MAP4: variants seen among roughly 807,000 people sequenced by gnomAD.
MAP4 encodes microtubule associated protein 4.
Under a neutral mutation model 170.2 loss-of-function variants are expected in MAP4, and 76 were observed. The ratio of observed to expected loss-of-function variants is 0.45; its 90% CI spans 0.37 to 0.54. The LOEUF (loss-of-function observed/expected upper bound fraction) is 0.54. Ranked by LOEUF, MAP4 falls within the 20% of genes least tolerant of loss-of-function variation. The pLI, the probability that MAP4 is intolerant of heterozygous loss-of-function variation, is 0.00. For synonymous variants in MAP4, 909 were observed against 994.5 expected, an observed-to-expected ratio of 0.91 and a Z score of 1.62; for missense variants, 2,506 against 2,748.0, an observed-to-expected ratio of 0.91 and a Z score of 1.97.
chr3:47,875,392 G>A (rs2094993283), intron 12 of MAP4, among the ~76,000 whole-genome samples: 1 of 152,196 alleles, frequency 6.6e-6, no homozygotes, highest in Admixed American at 6.5e-5. Flanking sequence ...ACAGGGAAGG[G>A]AAAGGTAAGA....
rs2091824720 is a variant in MAP4 at position 47,871,041 on chromosome 3, C to A, written c.6066G>T (p.Gly2022=). The change falls in exon 15 of 21, where the codon GGG becomes GGT. Residue 2022 remains glycine, a synonymous_variant. Transcript: ENST00000683076. The part of the protein sequence containing the change: ...SSMKKTTTLS[G]TAPAAGVVPS... ...GAACCACCCCTGCAGCGGGGGCTGT[C>A]CCACTGAGAGTGGTGGTTTTCTTCA... 1 of 1,613,370 alleles carries A rather than the reference C, an allele frequency of 6.2e-7. No homozygotes were observed. The highest frequency in any genetic ancestry group is 8.5e-7 in the Non-Finnish European group (1 of 1,179,588).
At chr3:48,020,780 T>TTTG (rs779002892), upstream of MAP4, among the ~76,000 whole-genome samples, 3 of 152,104 alleles carry the variant, frequency 2.0e-5, no homozygotes, top group African/African-American at 7.2e-5. Flanking sequence ...ATGAGTATTA[T>TTTG]TTGTTGTTGT....
intron 1 of MAP4, among the ~76,000 whole-genome samples, chr3:48,055,394 C>G (rs1159745290): frequency 2.6e-5 from 4 of 152,036 alleles, no homozygotes; most frequent in Admixed American, 6.5e-5. Context: ...TTGGTGGAGA[C>G]GGGGTTTCGC....
At position 47,877,536 on chromosome 3, in the gene MAP4, G is replaced by A. The variant is rs762136991; in HGVS notation, c.5435-13C>T. ...GGCCTGGCTATTCCTAAGGGGAGAG[G>A]GTGAGTGGGAATTATGCTAAGCAAA... On this transcript the variant is annotated splice_polypyrimidine_tract_variant and intron_variant, in intron 10 of 20. Coordinates refer to ENST00000683076, the MANE Select transcript of MAP4 (RefSeq NM_001385682.1). The A allele has an allele frequency of 1.3e-6, 2 of 1,573,814 alleles. No individual in the cohort carries two copies. The highest frequency in any genetic ancestry group is 1.1e-5 in the South Asian group (1 of 89,318).
At chr3:48,033,883 G>A (rs1461320418) in intron 1 of MAP4, among the ~76,000 whole-genome samples, 1 of 152,130 alleles carries the variant, frequency 6.6e-6, no homozygotes, top group Non-Finnish European at 1.5e-5. Flanking sequence ...GATTACAGGT[G>A]TAAGCCACCG....
At chr3:47,962,643 T>C (rs1475168850) in intron 3 of MAP4, among the ~76,000 whole-genome samples, 1 of 152,090 alleles carries the variant, frequency 6.6e-6, no homozygotes, top group Non-Finnish European at 1.5e-5. Context: ...ATATTGGCCA[T>C]TAAAAACAGC....
At chr3:47,870,228 C>T (rs1327416575) in intron 15 of MAP4, among the ~76,000 whole-genome samples, 1 of 152,162 alleles carries the variant, frequency 6.6e-6, no homozygotes, top group African/African-American at 2.4e-5. Context: ...ACCAGAAAAT[C>T]TTAACCACCG....
rs180712028 is a variant in MAP4 at position 48,022,263 on chromosome 3, G to C, written c.-19-23384C>G. Among the ~76,000 whole-genome samples the C allele has an allele frequency of 4.5e-4, 69 of 152,058 alleles. No individual in the cohort carries two copies. In the East Asian group the frequency reaches 0.012, roughly 26 times the overall value. On this transcript the variant is annotated intron_variant, in intron 1 of 18. Coordinates refer to the MAP4 transcript ENST00000360240. ...GATCACAGAGGCAGATGAAGAAAAC[G>C]AACAGACAATGGAGAGAGTAGAGAG...
chr3:47,946,189 C>G (rs959655075), intron 3 of MAP4, among the ~76,000 whole-genome samples: 29 of 151,110 alleles, frequency 1.9e-4, no homozygotes, highest in South Asian at 4.2e-4. Flanking sequence ...GTCATCTGCC[C>G]ACCTCTGCCT....
chr3:47,854,529 G>A lies in MAP4; in HGVS notation c.6696+719C>T, dbSNP rs908877186. ...CAGCAGCAGCCATCCTTGTGCTCGGGGTCTGCAAGATGCCCCTCATGGGCC... is the reference window on the plus strand; with the variant it reads ...CAGCAGCAGCCATCCTTGTGCTCGGAGTCTGCAAGATGCCCCTCATGGGCC... On this transcript the variant is annotated intron_variant, in intron 19 of 20. Transcript: ENST00000683076. Among the ~76,000 whole-genome samples the A allele has an allele frequency of 2.0e-5, 3 of 152,304 alleles. No homozygotes were observed. The South Asian group carries it at 6.2e-4, about 32-fold the overall frequency.
intron 17 of MAP4, among the ~76,000 whole-genome samples, chr3:47,858,625 T>C (rs959213506): frequency 9.7e-5 from 14 of 144,334 alleles, no homozygotes; most frequent in Admixed American, 1.3e-4. Context: ...GCGCGTTGTG[T>C]GTGTGTGTGT....
intron 3 of MAP4, among the ~76,000 whole-genome samples, chr3:47,966,823 C>T (rs890555122): frequency 1.3e-5 from 2 of 152,156 alleles, no homozygotes; most frequent in African/African-American, 2.4e-5. Context: ...CTTTCCATTC[C>T]GTTCCTTGAT....
chr3:48,033,884 T>G (rs770393035), intron 1 of MAP4, among the ~76,000 whole-genome samples: 7 of 152,198 alleles, frequency 4.6e-5, no homozygotes, highest in Non-Finnish European at 1.0e-4. Context: ...ATTACAGGTG[T>G]AAGCCACCGT....
rs1448610229 is a variant in MAP4, at chr3:47,916,735, T to C, written c.1092A>G (p.Leu364=). The C allele has an allele frequency of 9.9e-6, 16 of 1,613,904 alleles. No homozygotes were observed. The highest frequency in any genetic ancestry group is 1.7e-5 in the Admixed American group (1 of 59,994). ...GTGGTCCCATGTCCTTGGAAGGGGCTAAGTCCATTTTTATAGGAGATGCCC... is the reference window on the plus strand; with the variant it reads ...GTGGTCCCATGTCCTTGGAAGGGGCCAAGTCCATTTTTATAGGAGATGCCC... The part of the protein sequence containing the change: ...TERASPIKMD[L]APSKDMGPPK... The change falls in exon 7 of 21, where the codon TTA becomes TTG. Residue 364 remains leucine (L), a synonymous_variant. Coordinates refer to ENST00000683076, the MANE Select transcript of MAP4 (RefSeq NM_001385682.1).
intron 2 of MAP4, among the ~76,000 whole-genome samples, chr3:47,989,998 T>C (rs1425121765): frequency 6.6e-6 from 1 of 152,100 alleles, no homozygotes; most frequent in Non-Finnish European, 1.5e-5. Context: ...GATGTCAGAT[T>C]CCCACAGCAG....
At chr3:47,905,437 C>G (rs1024567330) in intron 9 of MAP4, among the ~76,000 whole-genome samples, 41 of 151,486 alleles carry the variant, frequency 2.7e-4, no homozygotes, top group African/African-American at 9.7e-4. Flanking sequence ...TAGGGTATGA[C>G]AAAGGTGGCA....
chr3:47,977,509 T>C (rs1361569429), intron 3 of MAP4, among the ~76,000 whole-genome samples: 1 of 152,210 alleles, frequency 6.6e-6, no homozygotes, highest in Non-Finnish European at 1.5e-5. Flanking sequence ...AAACGCAATG[T>C]GATTCAGGGA....
intron 18 of MAP4, among the ~76,000 whole-genome samples, chr3:47,856,523 C>G (rs995270480): frequency 4.6e-5 from 7 of 151,738 alleles, no homozygotes; most frequent in Non-Finnish European, 1.0e-4. Context: ...GCCATACTCT[C>G]GCCTCACTGT....
In MAP4 at chr3:47,916,070, G is replaced by T. The variant is rs1023643758; in HGVS notation, c.1757C>A (p.Pro586Gln). Residue 586 changes from proline (P) to glutamine (Q), a missense_variant, in exon 7 of 21, where the codon CCA (proline) becomes CAA (glutamine). By Grantham distance (76) the Pro-to-Gln change is moderately conservative (BLOSUM62 -1). Around this residue, in one of 3 missense-constraint regions of MAP4, gnomAD observed 2,008 missense variants for 2,206.0 expected, o/e 0.91. Coordinates refer to ENST00000683076, the MANE Select transcript of MAP4 (RefSeq NM_001385682.1). The part of the protein sequence containing the change: ...VPPLSETEAT[P>Q]VPIKDMEIAQ... ...AATTTCCATGTCTTTAATTGGAACT[G>T]GTGTTGCCTCTGTTTCTGAGAGTGG... The T allele has an allele frequency of 6.2e-7, 1 of 1,614,186 alleles. No homozygotes were observed. Among genetic ancestry groups the T allele is most frequent in the Non-Finnish European group, 8.5e-7 (1 of 1,180,038 alleles).
Sources: gnomAD v4.1 joint callset for allele counts (sites outside exome capture counted in the v4.1 genomes callset) on GRCh38, gnomAD v4.1.1 for gene constraint, gnomAD v4.1.1 regional missense constraint, MANE v1.5 for transcripts, NCBI Gene and HGNC (gene_info 2026-07-23, HGNC 2026-07-21) for gene names.